The following NHERF2 variants were observed in gnomAD, a reference collection of about 807,000 sequenced individuals.
The protein encoded by NHERF2 is Na(+)/H(+) exchange regulatory cofactor NHE-RF2.
chr16:2,030,919 C>T, the NHERF2 span, among the ~76,000 whole-genome samples: 4 of 151,774 alleles, frequency 2.6e-5, no homozygotes, highest in East Asian at 3.9e-4. Flanking sequence ...CCAGCCTAGG[C>T]GACAGAGTGA....
chr16:2,038,605 G>C, the NHERF2 span: 1 of 296,830 alleles, frequency 3.4e-6, no homozygotes, highest in Non-Finnish European at 6.4e-6. Context: ...GGCCAGGGAG[G>C]CCTGATGTGG....
chr16:2,036,557 G>A, the NHERF2 span: 16 of 1,536,622 alleles, frequency 1.0e-5, no homozygotes, highest in African/African-American at 1.8e-4. Flanking sequence ...TGTCCACACT[G>A]GGGCCCTGGG....
the NHERF2 span, among the ~76,000 whole-genome samples, chr16:2,033,770 G>A: frequency 4.1e-4 from 63 of 152,246 alleles, no homozygotes; most frequent in Admixed American, 4.1e-3. Context: ...CAGGGAGGAG[G>A]AATGTGAGCT....
the NHERF2 span, chr16:2,036,846 G>A: frequency 1.2e-4 from 189 of 1,612,464 alleles, 1 homozygote; most frequent in African/African-American, 1.1e-3. Flanking sequence ...CACTTCAAGC[G>A]GCTTCGGGTC....
At chr16:2,028,742 C>T in the NHERF2 span, among the ~76,000 whole-genome samples, 5 of 152,164 alleles carry the variant, frequency 3.3e-5, no homozygotes, top group African/African-American at 1.2e-4. Context: ...TGTCCACCCT[C>T]CCCCAGGCCG....
chr16:2,030,833 T>C, the NHERF2 span, among the ~76,000 whole-genome samples: 2 of 151,612 alleles, frequency 1.3e-5, no homozygotes, highest in African/African-American at 4.9e-5. Flanking sequence ...CCCAGCTACT[T>C]GGGAGGCTGA....
the NHERF2 span, among the ~76,000 whole-genome samples, chr16:2,033,702 G>T: frequency 6.6e-6 from 1 of 152,122 alleles, no homozygotes; most frequent in Non-Finnish European, 1.5e-5. Flanking sequence ...GGAGCCTGGA[G>T]CCCGTGGGAG....
At chr16:2,031,219 G>GA in the NHERF2 span, among the ~76,000 whole-genome samples, 1 of 152,228 alleles carries the variant, frequency 6.6e-6, no homozygotes, top group African/African-American at 2.4e-5. Flanking sequence ...GGACCTGTGG[G>GA]ACCCGTTTTG....
the NHERF2 span, chr16:2,029,410 C>T: frequency 1.6e-6 from 1 of 629,320 alleles, no homozygotes; most frequent in Admixed American, 2.5e-5. Context: ...AGGGAGGGAG[C>T]CGCTGGAGTC....
chr16:2,032,162 G>A, the NHERF2 span, among the ~76,000 whole-genome samples: 1 of 152,058 alleles, frequency 6.6e-6, no homozygotes, highest in Non-Finnish European at 1.5e-5. This position sits in a 1 kb window ranked among gnomAD's most constrained non-coding sequence, Gnocchi z 4.0. Flanking sequence ...TGGGATTACA[G>A]GCGTGTACCA....
the NHERF2 span, chr16:2,036,652 T>C: frequency 6.3e-7 from 1 of 1,575,490 alleles, no homozygotes; most frequent in African/African-American, 1.3e-5. Flanking sequence ...GATGAATATT[T>C]GATGCCACAC....
the NHERF2 span, chr16:2,029,838 G>A: frequency 6.9e-7 from 1 of 1,453,070 alleles, no homozygotes; most frequent in South Asian, 1.2e-5. Context: ...GGCTCTCTCA[G>A]CTTTTGACGA....
At chr16:2,029,173 A>C in the NHERF2 span, among the ~76,000 whole-genome samples, 14 of 152,246 alleles carry the variant, frequency 9.2e-5, no homozygotes, top group Non-Finnish European at 1.5e-4. Context: ...ACGGAGACAC[A>C]GACTTTGAAA....
the NHERF2 span, among the ~76,000 whole-genome samples, chr16:2,030,983 T>C: frequency 6.6e-6 from 1 of 152,076 alleles, no homozygotes; most frequent in East Asian, 1.9e-4. Flanking sequence ...CTTCAGGGGA[T>C]ATGAGTCCAG....
the NHERF2 span, chr16:2,037,475 C>T: frequency 7.0e-7 from 1 of 1,426,200 alleles, no homozygotes; most frequent in Non-Finnish European, 9.7e-7. Context: ...CCTCTGTGCA[C>T]ATGTGTGCGT....
chr16:2,037,007 G>A, the NHERF2 span: 2 of 1,549,558 alleles, frequency 1.3e-6, no homozygotes, highest in African/African-American at 2.7e-5. Context: ...AGGTAAGAGG[G>A]TGGGGTGCCC....
the NHERF2 span, chr16:2,038,035 G>A: frequency 1.3e-6 from 2 of 1,599,656 alleles, no homozygotes; most frequent in Admixed American, 1.7e-5. Context: ...CACGGACCTT[G>A]GGCCTCAGCC....
chr16:2,038,500 C>A, the NHERF2 span: 1 of 378,360 alleles, frequency 2.6e-6, no homozygotes, highest in Non-Finnish European at 5.0e-6. Context: ...CTCCCCGCCC[C>A]CTCCCCTCAG....
the NHERF2 span, chr16:2,037,048 A>T: frequency 6.5e-7 from 1 of 1,537,782 alleles, no homozygotes; most frequent in Non-Finnish European, 8.8e-7. Flanking sequence ...GGGGGTACCC[A>T]GGCCCGACAG....
Sources: gnomAD v4.1 joint callset for allele counts (sites outside exome capture counted in the v4.1 genomes callset) on GRCh38, gnomAD v4.1.1 for gene constraint, Gnocchi (gnomAD v3.1) non-coding constraint, MANE v1.5 for transcripts, NCBI Gene and HGNC (gene_info 2026-07-23, HGNC 2026-07-21) for gene names.